ANO2: variants seen among roughly 807,000 people sequenced by gnomAD.
ANO2 encodes anoctamin-2.
In ANO2, 101 loss-of-function variants were observed where a neutral mutation model predicts 124.2. The ratio of observed to expected loss-of-function variants is 0.81; its 90% CI spans 0.69 to 0.96. The LOEUF (loss-of-function observed/expected upper bound fraction) is 0.96. Among genes scored for constraint, ANO2 ranks in the 40% least tolerant of loss-of-function variants. The probability of loss-of-function intolerance (pLI) is 0.00; values close to 1 mark genes in which losing one functional copy is unlikely to be tolerated. For synonymous variants in ANO2, 486 were observed against 482.5 expected (o/e 1.01, Z -0.09); for missense variants, 1,293 against 1,274.5 (o/e 1.01, Z -0.22).
rs578031632 is a variant in ANO2, at chr12:5,921,040, C to T, written c.534G>A (p.Glu178=). 3 of 1,605,108 alleles carry T rather than the reference C, an allele frequency of 1.9e-6. No homozygotes were observed. Among genetic ancestry groups the T allele is most frequent in the Admixed American group, 1.7e-5 (1 of 59,892 alleles). ...GTCCCTGGCCACCCGCCTGACTCAC[C>T]TCCAAGTCCTTCTCAAGCTCCAGTC... ...EAGLELEKDL[E]NKSQGSIFVR... is the part of the protein sequence containing the mutation. The change falls in exon 3 of 25, where the codon GAG becomes GAA. Residue 178 remains glutamate, a splice_region_variant and synonymous_variant. Transcript: ENST00000682330.
At chr12:5,610,723 C>CATATATATATATATATAT (rs377499491) in intron 19 of ANO2, among the ~76,000 whole-genome samples, 6 of 116,900 alleles carry the variant, frequency 5.1e-5, no homozygotes, top group African/African-American at 1.7e-4. Flanking sequence ...CACATATATA[C>CATATATATATATATATAT]ATATATATAT....
intron 19 of ANO2, among the ~76,000 whole-genome samples, chr12:5,600,227 ATTGGTGGC>A (rs1943872636): frequency 6.6e-6 from 1 of 152,138 alleles, no homozygotes; most frequent in Non-Finnish European, 1.5e-5. Flanking sequence ...ATTCAATAGG[ATTGGTGGC>A]TTTATGAGTA....
chr12:5,921,713 C>A (rs1941712649), intron 2 of ANO2, among the ~76,000 whole-genome samples: 1 of 152,142 alleles, frequency 6.6e-6, no homozygotes, highest in African/African-American at 2.4e-5. Context: ...CACGCCTGCA[C>A]ACACACATGC....
At chr12:5,736,164 A>C (rs1475314930) in intron 13 of ANO2, among the ~76,000 whole-genome samples, 1 of 152,234 alleles carries the variant, frequency 6.6e-6, no homozygotes, top group Non-Finnish European at 1.5e-5. Context: ...GCAGACCTGC[A>C]CTGGCCCAGG....
chr12:5,670,603 T>C (rs932849887), intron 14 of ANO2, among the ~76,000 whole-genome samples: 4 of 152,202 alleles, frequency 2.6e-5, no homozygotes, highest in Admixed American at 2.0e-4. Flanking sequence ...GGCACAATCA[T>C]AGCTCACTGC....
At chr12:5,942,048 T>C (rs1942915970) in intron 1 of ANO2, among the ~76,000 whole-genome samples, 1 of 151,676 alleles carries the variant, frequency 6.6e-6, no homozygotes, top group Non-Finnish European at 1.5e-5. Flanking sequence ...GGATAACAAA[T>C]GGAAATGCGA....
At chr12:5,576,437 C>T (rs1942416360) in intron 22 of ANO2, among the ~76,000 whole-genome samples, 1 of 152,330 alleles carries the variant, frequency 6.6e-6, no homozygotes, top group South Asian at 2.1e-4. Context: ...ACATCTGCCC[C>T]TGAGTAGTAC....
intron 5 of ANO2, 112 bp from the exon 6 acceptor site, chr12:5,830,601 G>C (rs1954119821): frequency 1.2e-6 from 1 of 848,102 alleles, no homozygotes; most frequent in South Asian, 1.7e-5. Flanking sequence ...CAAGACTTAT[G>C]AGGTGCACAC....
intron 7 of ANO2, among the ~76,000 whole-genome samples, chr12:5,807,773 T>A (rs1481457172): frequency 2.0e-5 from 3 of 152,200 alleles, no homozygotes; most frequent in Admixed American, 1.3e-4. Context: ...TTTGAGCTCC[T>A]TCCTGCTGTT....
chr12:5,611,129 C>T (rs1944527267), intron 19 of ANO2, among the ~76,000 whole-genome samples: 1 of 151,766 alleles, frequency 6.6e-6, no homozygotes, highest in African/African-American at 2.4e-5. Flanking sequence ...CACAACCACA[C>T]CCGGCTAATT....
chr12:5,734,052 C>T (rs1411832519), intron 13 of ANO2, among the ~76,000 whole-genome samples: 2 of 152,186 alleles, frequency 1.3e-5, no homozygotes, highest in African/African-American at 2.4e-5. Context: ...TGTCTCTCAC[C>T]TTCATCCGTT....
intron 14 of ANO2, among the ~76,000 whole-genome samples, chr12:5,725,123 ACG>A (rs1491556352): frequency 6.0e-5 from 9 of 148,952 alleles, no homozygotes; most frequent in Non-Finnish European, 8.9e-5. Context: ...ACACACACAC[ACG>A]CAAACACAAT....
rs1220003866 is a variant in ANO2, at chr12:5,848,286, C to T, written c.633+5757G>A. Among the ~76,000 whole-genome samples the T allele has an allele frequency of 2.0e-5, 3 of 152,282 alleles. No homozygotes were observed. The East Asian group carries it at 5.8e-4, about 29-fold the overall frequency. ...GGCTACCAGAAAGCCCAGAATGCAA[C>T]TCTGTCTCTCCTGCATCCATCACCC... On this transcript the variant is annotated intron_variant, in intron 4 of 24. Coordinates refer to ENST00000682330, the MANE Select transcript of ANO2 (RefSeq NM_001364791.2).
At chr12:5,943,077 A>C (rs1453225443) in intron 1 of ANO2, among the ~76,000 whole-genome samples, 1 of 152,226 alleles carries the variant, frequency 6.6e-6, no homozygotes, top group East Asian at 1.9e-4. Context: ...AAGAACTAAA[A>C]GTAGAACACC....
At chr12:5,574,517 C>T (rs1942297450) in intron 23 of ANO2, among the ~76,000 whole-genome samples, 1 of 152,220 alleles carries the variant, frequency 6.6e-6, no homozygotes, top group African/African-American at 2.4e-5. Flanking sequence ...ATCAATGTAA[C>T]CACATCCCAG....
intron 14 of ANO2, among the ~76,000 whole-genome samples, chr12:5,731,362 T>TAA (rs34286445): frequency 6.8e-5 from 10 of 147,358 alleles, no homozygotes; most frequent in South Asian, 4.4e-4. Context: ...TCTGTTTTCT[T>TAA]AAAAAAAAAA....
chr12:5,830,599 A>G (rs1954119669), intron 5 of ANO2, 110 bp from the exon 6 acceptor site: 2 of 881,654 alleles, frequency 2.3e-6, no homozygotes, highest in Non-Finnish European at 3.6e-6. Context: ...AGCAAGACTT[A>G]TGAGGTGCAC....
intron 4 of ANO2, among the ~76,000 whole-genome samples, chr12:5,846,254 C>T (rs4764509): frequency 6.6e-6 from 1 of 152,042 alleles, no homozygotes; most frequent in African/African-American, 2.4e-5. Flanking sequence ...TTCATAACAA[C>T]GTGAGCCTCT....
At chr12:5,924,820 T>C (rs745669464) in intron 1 of ANO2, among the ~76,000 whole-genome samples, 26 of 152,334 alleles carry the variant, frequency 1.7e-4, no homozygotes, top group Admixed American at 4.6e-4. Context: ...CCGTTAAATA[T>C]TGAAGCCCTC....
Sources: gnomAD v4.1 joint callset for allele counts (sites outside exome capture counted in the v4.1 genomes callset) on GRCh38, gnomAD v4.1.1 for gene constraint, MANE v1.5 for transcripts, NCBI Gene and HGNC (gene_info 2026-07-23, HGNC 2026-07-21) for gene names.